The following USP15 variants were observed in gnomAD, a reference collection of about 807,000 sequenced individuals.
USP15 encodes the protein ubiquitin carboxyl-terminal hydrolase 15.
In USP15, 18 loss-of-function variants were observed where a neutral mutation model predicts 127.1. That is an observed-to-expected ratio of 0.14 (90% CI 0.10 to 0.21). The LOEUF (loss-of-function observed/expected upper bound fraction) is 0.21, where lower values mean the gene tolerates loss of function less well. USP15 is among the 10% of genes least tolerant of loss of function. The probability of loss-of-function intolerance (pLI) is 1.00; values close to 1 mark genes in which losing one functional copy is unlikely to be tolerated. For missense variants in USP15, 805 were observed against 1,159.9 expected (o/e 0.69, Z 4.44); for synonymous variants, 364 against 393.7 (o/e 0.92, Z 0.89).
At chr12:62,312,889 T>G (rs2064724324) in intron 3 of USP15, among the ~76,000 whole-genome samples, 1 of 151,652 alleles carries the variant, frequency 6.6e-6, no homozygotes, top group Non-Finnish European at 1.5e-5. Context: ...AATCTACATG[T>G]GACCATTACA....
intron 3 of USP15, among the ~76,000 whole-genome samples, chr12:62,306,845 CAG>C (rs1426649736): frequency 6.6e-6 from 1 of 152,046 alleles, no homozygotes; most frequent in Non-Finnish European, 1.5e-5. Context: ...TAAGTTACCT[CAG>C]AAAAATCAAA....
At chr12:62,346,099 G>T (rs1000896803) in intron 6 of USP15, among the ~76,000 whole-genome samples, 8 of 152,182 alleles carry the variant, frequency 5.3e-5, no homozygotes, top group Non-Finnish European at 7.4e-5. Flanking sequence ...AACAATGACT[G>T]GTTCCACTTG....
chr12:62,377,789 A>C (rs991913509), intron 8 of USP15, among the ~76,000 whole-genome samples: 1 of 151,886 alleles, frequency 6.6e-6, no homozygotes, highest in Non-Finnish European at 1.5e-5. Flanking sequence ...TACTGATATA[A>C]CATCACGTGG....
intron 5 of USP15, among the ~76,000 whole-genome samples, chr12:62,325,246 G>C (rs1341696995): frequency 6.6e-6 from 1 of 151,864 alleles, no homozygotes; most frequent in Admixed American, 6.6e-5. Flanking sequence ...GGTGATTTCT[G>C]TCTGCCTCAT....
At chr12:62,352,512 T>C (rs1348351927) in intron 7 of USP15, among the ~76,000 whole-genome samples, 2 of 152,056 alleles carry the variant, frequency 1.3e-5, no homozygotes, top group African/African-American at 2.4e-5. Context: ...ATTTTTAACG[T>C]GTTTATTGTC....
chr12:62,319,763 G>C (rs1316075335), intron 4 of USP15, among the ~76,000 whole-genome samples: 3 of 152,090 alleles, frequency 2.0e-5, no homozygotes, highest in Non-Finnish European at 4.4e-5. Context: ...TGTATTAATA[G>C]AAAAAACATC....
intron 8 of USP15, among the ~76,000 whole-genome samples, chr12:62,379,241 A>C (rs2137558372): frequency 6.6e-6 from 1 of 151,668 alleles, no homozygotes; most frequent in African/African-American, 2.4e-5. Flanking sequence ...AGATGAAGTA[A>C]TGTTGCAGAC....
chr12:62,282,952 C>T (rs976812297), intron 1 of USP15, among the ~76,000 whole-genome samples: 5 of 152,126 alleles, frequency 3.3e-5, no homozygotes, highest in Admixed American at 6.6e-5. Flanking sequence ...ATATTTGTAA[C>T]TGTAGTATTA....
At chr12:62,338,666 C>T (rs1003446794) in intron 6 of USP15, among the ~76,000 whole-genome samples, 4 of 152,104 alleles carry the variant, frequency 2.6e-5, no homozygotes, top group African/African-American at 9.7e-5. Context: ...AGGAAGGGGT[C>T]CAGTTTCTGT....
intron 1 of USP15, among the ~76,000 whole-genome samples, chr12:62,262,614 A>G (rs1459193415): frequency 7.0e-6 from 1 of 142,502 alleles, no homozygotes; most frequent in Admixed American, 6.8e-5. Flanking sequence ...TCAAATAAGT[A>G]TATTTTTGCT....
intron 8 of USP15, among the ~76,000 whole-genome samples, chr12:62,380,523 G>T (rs551430603): frequency 6.6e-6 from 1 of 152,074 alleles, no homozygotes; most frequent in Admixed American, 6.6e-5. Flanking sequence ...CCATTAATGT[G>T]AATCCAGGCT....
intron 1 of USP15, among the ~76,000 whole-genome samples, chr12:62,293,908 T>C (rs1389596970): frequency 6.6e-6 from 1 of 152,244 alleles, no homozygotes; most frequent in Admixed American, 6.5e-5. Context: ...TTTCCATTTT[T>C]ATTCAATGAG....
intron 1 of USP15, among the ~76,000 whole-genome samples, chr12:62,293,528 G>T (rs1230548823): frequency 6.6e-6 from 1 of 152,000 alleles, no homozygotes. Context: ...CCCAATTTTT[G>T]TATTTTTAGT....
At chr12:62,301,153 G>T (rs998577600) in intron 2 of USP15, among the ~76,000 whole-genome samples, 1 of 152,050 alleles carries the variant, frequency 6.6e-6, no homozygotes, top group Admixed American at 6.6e-5. Flanking sequence ...GAGAAATGAA[G>T]ATTAAAACCA....
In USP15 at chr12:62,275,632, A is replaced by C. The variant is rs7315790; in HGVS notation, c.89+15129A>C. Among the ~76,000 whole-genome samples, 7 of 151,978 alleles carry C rather than the reference A, an allele frequency of 4.6e-5. No homozygotes were observed. In the East Asian group the frequency reaches 1.2e-3, roughly 25 times the overall value. On this transcript the variant is annotated intron_variant, in intron 1 of 21. Transcript: ENST00000280377. ...AATACGAGAGTTGAGAGGTGATATG[A>C]GGGGAGAGGAGGAAAAGACTTAATC...
intron 1 of USP15, among the ~76,000 whole-genome samples, chr12:62,280,172 C>A (rs1388603487): frequency 1.3e-5 from 2 of 151,944 alleles, no homozygotes; most frequent in Non-Finnish European, 2.9e-5. Flanking sequence ...TAATAATTAA[C>A]CTTAATATGT....
chr12:62,354,489 A>T (rs2066058830), intron 7 of USP15, among the ~76,000 whole-genome samples: 1 of 151,994 alleles, frequency 6.6e-6, no homozygotes, highest in Non-Finnish European at 1.5e-5. Flanking sequence ...TTATAAGATA[A>T]CCTATTAAAA....
At chr12:62,345,791 C>T (rs189421525) in intron 6 of USP15, among the ~76,000 whole-genome samples, 2 of 152,242 alleles carry the variant, frequency 1.3e-5, no homozygotes, top group Non-Finnish European at 2.9e-5. Flanking sequence ...AGGAGCAAGT[C>T]ATGTCTTACA....
chr12:62,323,418 G>C (rs1159052019), intron 5 of USP15, among the ~76,000 whole-genome samples: 3 of 152,136 alleles, frequency 2.0e-5, no homozygotes, highest in Non-Finnish European at 4.4e-5. Flanking sequence ...TTAATTTTTA[G>C]TAAATGCCCA....
Sources: gnomAD v4.1 joint callset for allele counts (sites outside exome capture counted in the v4.1 genomes callset) on GRCh38, gnomAD v4.1.1 for gene constraint, MANE v1.5 for transcripts, NCBI Gene and HGNC (gene_info 2026-07-23, HGNC 2026-07-21) for gene names.